Variants in FAM241A observed in about 807,000 individuals in gnomAD.
The protein encoded by FAM241A is uncharacterized protein FAM241A.
A neutral mutation model predicts 12.2 loss-of-function variants in FAM241A; 7 were observed. The observed-to-expected ratio is 0.58, with a 90% CI of 0.33 to 1.08. The LOEUF is 1.08. Ranked by LOEUF, FAM241A falls within the 50% of genes least tolerant of loss-of-function variation. The probability of loss-of-function intolerance (pLI) is 0.04; values close to 1 mark genes in which losing one functional copy is unlikely to be tolerated. For synonymous variants in FAM241A, 74 were observed against 68.2 expected (o/e 1.08, Z -0.42); for missense variants, 161 against 169.7 (o/e 0.95, Z 0.29).
chr4:112,159,725 TC>T (rs1386717553), intron 1 of FAM241A, among the ~76,000 whole-genome samples: 2 of 152,108 alleles, frequency 1.3e-5, no homozygotes, highest in African/African-American at 4.8e-5. Context: ...AAATTCAACA[TC>T]CCTTCATGAT....
chr4:112,168,854 G>A (rs1318257589), intron 1 of FAM241A, among the ~76,000 whole-genome samples: 2 of 152,090 alleles, frequency 1.3e-5, no homozygotes, highest in South Asian at 2.1e-4. Flanking sequence ...TAGTAGAGAC[G>A]GAGTTTCAGC....
rs561603282 is a variant in FAM241A at position 112,186,439 on chromosome 4, G to C, written c.154-254G>C. On this transcript the variant is annotated intron_variant, in intron 1 of 1. Transcript: ENST00000309733. Reference sequence around the variant, plus strand: ...AGTCAGGCCTTGCCTCATAAAACAGGAGGGTGGCAGAAAAGGGTGTTCTGA... The same window carrying C: ...AGTCAGGCCTTGCCTCATAAAACAGCAGGGTGGCAGAAAAGGGTGTTCTGA... Among the ~76,000 whole-genome samples, 5 of 152,288 alleles carry C rather than the reference G, an allele frequency of 3.3e-5. No individual in the cohort carries two copies. In the East Asian group the frequency reaches 7.7e-4, roughly 24 times the overall value.
chr4:112,160,577 C>T (rs1025457548), intron 1 of FAM241A, among the ~76,000 whole-genome samples: 1 of 152,148 alleles, frequency 6.6e-6, no homozygotes, highest in East Asian at 1.9e-4. Context: ...TTTACACTCA[C>T]AGAAGTTCCA....
intron 1 of FAM241A, among the ~76,000 whole-genome samples, chr4:112,163,546 A>C (rs1305926083): frequency 6.6e-6 from 1 of 152,266 alleles, no homozygotes; most frequent in African/African-American, 2.4e-5. Flanking sequence ...TACAGCCAAA[A>C]GACACATGAA....
At chr4:112,150,813 T>C (rs896516264) in intron 1 of FAM241A, among the ~76,000 whole-genome samples, 2 of 152,240 alleles carry the variant, frequency 1.3e-5, no homozygotes, top group African/African-American at 4.8e-5. Flanking sequence ...ATGGGAATAA[T>C]TGTAACAACT....
rs970977234 is a variant in FAM241A, at chr4:112,194,562, T to C, written c.*7624T>C. The C allele has an allele frequency of 6.6e-6, 1 of 151,978 alleles. No homozygotes were observed. The highest frequency in any genetic ancestry group is 2.4e-5 in the African/African-American group (1 of 41,352). The allele number at this position is 151,978 out of a possible 1,614,324, so 9.4% of individuals were successfully genotyped here. A position where few individuals can be genotyped will look rare whatever the true frequency, so the allele number is the denominator to read the frequency against. ...TATTGAGAGTTTTTAGCATGAAGCG[T>C]TGTTGAATTTTGTCAAAGGCCTTTT... On this transcript the variant is annotated 3_prime_UTR_variant, in exon 2 of 2. Coordinates refer to ENST00000309733, the MANE Select transcript of FAM241A (RefSeq NM_152400.3).
intron 1 of FAM241A, among the ~76,000 whole-genome samples, chr4:112,186,339 G>A (rs1164230459): frequency 1.3e-5 from 2 of 152,102 alleles, no homozygotes; most frequent in Non-Finnish European, 1.5e-5. Context: ...AACATGCTTT[G>A]GTCATCTGAG....
At chr4:112,183,969 A>T (rs1486904052) in intron 1 of FAM241A, among the ~76,000 whole-genome samples, 1 of 152,188 alleles carries the variant, frequency 6.6e-6, no homozygotes, top group African/African-American at 2.4e-5. Flanking sequence ...TGAAGGAAAA[A>T]ATAATTTAGA....
At chr4:112,166,110 G>C (rs748389564) in intron 1 of FAM241A, among the ~76,000 whole-genome samples, 6 of 145,484 alleles carry the variant, frequency 4.1e-5, no homozygotes, top group Non-Finnish European at 7.5e-5. Flanking sequence ...GCAGTGGTGT[G>C]ATCTCGGCTC....
chr4:112,153,539 G>A (rs1013031840), intron 1 of FAM241A, among the ~76,000 whole-genome samples: 1 of 152,156 alleles, frequency 6.6e-6, no homozygotes, highest in African/African-American at 2.4e-5. Context: ...GTGTTTGAGA[G>A]AATTAATAAG....
In FAM241A at chr4:112,147,251, C is replaced by T. The variant is rs953035226; in HGVS notation, c.153+1518C>T. Among the ~76,000 whole-genome samples, 13 of 152,314 alleles carry T rather than the reference C, an allele frequency of 8.5e-5. No individual in the cohort carries two copies. In the East Asian group the frequency reaches 2.1e-3, roughly 25 times the overall value. On this transcript the variant is annotated intron_variant, in intron 1 of 1. Coordinates refer to ENST00000309733, the MANE Select transcript of FAM241A (RefSeq NM_152400.3). ...GAAAACATATCACTTTGCATACCTG[C>T]CTCCTTCATTGAATGTCATGAAAGT...
In FAM241A at chr4:112,149,694, A is replaced by G. The variant is rs141799228; in HGVS notation, c.153+3961A>G. 1.8e-4 allele frequency among the ~76,000 whole-genome samples: 27 copies of G among 152,354 alleles called. 1 individual carries two copies. The East Asian group carries it at 5.2e-3, about 29-fold the overall frequency. The stretch of plus-strand genomic sequence containing the variant: ...GAAACCATCCATGCCAGCAATGAAC[A>G]ATATAGTTTATAATCATTGCCAATT... On this transcript the variant is annotated intron_variant, in intron 1 of 1. Transcript: ENST00000309733.
intron 1 of FAM241A, among the ~76,000 whole-genome samples, chr4:112,172,661 T>G (rs887793917): frequency 4.6e-5 from 7 of 152,340 alleles, no homozygotes; most frequent in African/African-American, 1.7e-4. Flanking sequence ...TTATAAATGT[T>G]AACCTCCACA....
Position 112,189,572 on chromosome 4 carries a change from G to A in FAM241A, c.*2634G>A, listed in dbSNP as rs1196180123. The A allele has an allele frequency of 6.6e-6, 1 of 152,130 alleles. No individual in the cohort carries two copies. The highest frequency in any genetic ancestry group is 6.6e-5 in the Admixed American group (1 of 15,260). The allele number at this position is 152,130 out of a possible 1,614,324, so 9.4% of individuals were successfully genotyped here. On this transcript the variant is annotated 3_prime_UTR_variant, in exon 2 of 2. Transcript: ENST00000309733. The stretch of plus-strand genomic sequence containing the variant: ...GAAGTCTACAAATAAACAGACTGTA[G>A]ATGAGTAAATCCATTTTTCTTAAAG...
intron 1 of FAM241A, among the ~76,000 whole-genome samples, chr4:112,168,741 T>C (rs1250328027): frequency 2.0e-5 from 3 of 152,150 alleles, no homozygotes; most frequent in African/African-American, 7.2e-5. Context: ...CTCAGCTCAT[T>C]GCAACTTCCA....
intron 1 of FAM241A, among the ~76,000 whole-genome samples, chr4:112,184,796 G>A (rs751844336): frequency 4.0e-5 from 6 of 151,788 alleles, no homozygotes; most frequent in African/African-American, 7.3e-5. Context: ...AACTCTATGT[G>A]TACAATAGAA....
chr4:112,148,056 T>C (rs893717616), intron 1 of FAM241A, among the ~76,000 whole-genome samples: 3 of 152,122 alleles, frequency 2.0e-5, no homozygotes, highest in African/African-American at 7.2e-5. Flanking sequence ...TGACTTGTGC[T>C]CCTCTAGCTC....
chr4:112,193,359 C>T lies in FAM241A; in HGVS notation c.*6421C>T, dbSNP rs1055521212. On this transcript the variant is annotated 3_prime_UTR_variant, in exon 2 of 2. Coordinates refer to ENST00000309733, the MANE Select transcript of FAM241A (RefSeq NM_152400.3). ...AGAAGCTCTTGAGTTGAATTAGATCCCATTTGTCAATTTTGTCTTTTGTTG... is the reference window on the plus strand; with the variant it reads ...AGAAGCTCTTGAGTTGAATTAGATCTCATTTGTCAATTTTGTCTTTTGTTG... 1 of 152,040 alleles carries T rather than the reference C, an allele frequency of 6.6e-6. No homozygotes were observed. The highest frequency in any genetic ancestry group is 2.4e-5 in the African/African-American group (1 of 41,338). 9.4% of individuals were successfully genotyped at this position (152,040 alleles called of 1,614,324 possible).
intron 1 of FAM241A, among the ~76,000 whole-genome samples, chr4:112,148,470 G>A (rs1431513283): frequency 6.6e-6 from 1 of 152,084 alleles, no homozygotes; most frequent in Non-Finnish European, 1.5e-5. Context: ...AAAAAATGAA[G>A]GTTCTTCTGT....
Sources: allele counts gnomAD v4.1 joint callset (sites outside exome capture counted in the v4.1 genomes callset), GRCh38; gene constraint gnomAD v4.1.1; transcripts MANE v1.5; gene names NCBI Gene and HGNC (gene_info 2026-07-23, HGNC 2026-07-21).